Variants in RGS12 observed in about 807,000 individuals in gnomAD.
RGS12 encodes regulator of G protein signaling 12, also known as regulator of G-protein signaling 12.
A neutral mutation model predicts 120.1 loss-of-function variants in RGS12; 66 were observed. The observed-to-expected ratio is 0.55, with a 90% CI of 0.45 to 0.67. RGS12 has a LOEUF of 0.67. Among genes scored for constraint, RGS12 ranks in the 30% least tolerant of loss-of-function variants. RGS12 has a pLI of 0.00. For missense variants in RGS12, 1,859 were observed against 1,957.7 expected, an observed-to-expected ratio of 0.95 and a Z score of 0.95; for synonymous variants, 827 against 804.7, an observed-to-expected ratio of 1.03 and a Z score of -0.47.
At chr4:3,310,429 G>C (rs1193868983) in intron 1 of RGS12, among the ~76,000 whole-genome samples, 11 of 152,226 alleles carry the variant, frequency 7.2e-5, no homozygotes, top group Admixed American at 7.2e-4. Context: ...TTGACTGGTG[G>C]CTCAGTAAAA....
intron 4 of RGS12, among the ~76,000 whole-genome samples, chr4:3,402,415 T>G (rs1255250290): frequency 6.6e-6 from 1 of 152,198 alleles, no homozygotes; most frequent in Non-Finnish European, 1.5e-5. Context: ...CCTTCCTCCT[T>G]CCCTGAAGCC....
At chr4:3,434,497 C>T (rs1266168593) in intron 17 of RGS12, among the ~76,000 whole-genome samples, 1 of 152,142 alleles carries the variant, frequency 6.6e-6, no homozygotes, top group Non-Finnish European at 1.5e-5. Flanking sequence ...ACGTTTTGTG[C>T]ATATCTGTGT....
intron 3 of RGS12, among the ~76,000 whole-genome samples, chr4:3,343,767 C>T (rs1338850118): frequency 6.6e-6 from 1 of 151,894 alleles, no homozygotes; most frequent in East Asian, 1.9e-4. Flanking sequence ...CTGCACCCTC[C>T]CGTTGAACTC....
At position 3,374,244 on chromosome 4, in the gene RGS12, A is replaced by C. The variant is rs571565742; in HGVS notation, c.1999-12172A>C. On this transcript the variant is annotated intron_variant, in intron 3 of 17. Coordinates refer to ENST00000336727, the MANE Select transcript of RGS12 (RefSeq NM_001394154.1). The surrounding 1 kb of genome is among the most constrained non-coding windows in gnomAD (Gnocchi z 6.3). ...AGACAGCAGGAGCTGCCGAGCTCCG[A>C]GTGCTGGGCCAGCTTGCCTTGGGCT... is the stretch of plus-strand genomic sequence containing the variant. 3.9e-4 allele frequency among the ~76,000 whole-genome samples: 59 copies of C among 152,350 alleles called. No individual in the cohort carries two copies. The highest frequency in any genetic ancestry group is 1.4e-3 in the African/African-American group (57 of 41,592).
chr4:3,339,776 G>A (rs933551474), intron 2 of RGS12, among the ~76,000 whole-genome samples: 1 of 152,190 alleles, frequency 6.6e-6, no homozygotes, highest in Non-Finnish European at 1.5e-5. Flanking sequence ...TGTGTTTTGA[G>A]TGAGGCTGTG....
intron 1 of RGS12, among the ~76,000 whole-genome samples, chr4:3,311,150 C>T (rs1041152549): frequency 6.6e-6 from 1 of 152,170 alleles, no homozygotes; most frequent in African/African-American, 2.4e-5. Context: ...CTCTTCTTCT[C>T]GGTGCCCCCA....
At chr4:3,315,207 C>T (rs1724659894) in intron 1 of RGS12, among the ~76,000 whole-genome samples, 1 of 152,210 alleles carries the variant, frequency 6.6e-6, no homozygotes, top group African/African-American at 2.4e-5. Flanking sequence ...GACCTCTGCC[C>T]TTGCTGATTT....
intron 4 of RGS12, among the ~76,000 whole-genome samples, chr4:3,406,942 A>G (rs1277832976): frequency 6.6e-6 from 1 of 152,380 alleles, no homozygotes; most frequent in South Asian, 2.1e-4. Context: ...TTTCCTAACT[A>G]AATACATATT....
chr4:3,367,717 C>T (rs995825175), intron 3 of RGS12, among the ~76,000 whole-genome samples: 4 of 152,218 alleles, frequency 2.6e-5, no homozygotes, highest in Non-Finnish European at 4.4e-5. Context: ...CATCCCTTTC[C>T]TCACCCATCT....
At chr4:3,296,971 G>C (rs950115837) in intron 1 of RGS12, among the ~76,000 whole-genome samples, 4 of 152,208 alleles carry the variant, frequency 2.6e-5, no homozygotes, top group African/African-American at 9.6e-5. Context: ...GGTTTTGGGG[G>C]CCACCGTTGC....
rs919590983 is a variant in RGS12 at position 3,432,909 on chromosome 4, G to A, written c.4114+1954G>A. Among the ~76,000 whole-genome samples the A allele has an allele frequency of 3.3e-5, 5 of 152,336 alleles. No individual in the cohort carries two copies. In the East Asian group the frequency reaches 9.6e-4, roughly 29 times the overall value. ...CCACGTGCCTGTCCGTGGCGACACA[G>A]GACAACTGCTGAGGACCTGCCCAGT... is the stretch of plus-strand genomic sequence containing the variant. On this transcript the variant is annotated intron_variant, in intron 17 of 17. Transcript: ENST00000336727.
intron 4 of RGS12, among the ~76,000 whole-genome samples, chr4:3,395,475 T>C (rs950464168): frequency 6.6e-6 from 1 of 152,234 alleles, no homozygotes; most frequent in African/African-American, 2.4e-5. Flanking sequence ...ACATTTCTGC[T>C]CTGATAGGCT....
At chr4:3,309,740 A>G (rs1338293202) in intron 1 of RGS12, among the ~76,000 whole-genome samples, 7 of 114,800 alleles carry the variant, frequency 6.1e-5, no homozygotes, top group Non-Finnish European at 7.3e-5. Context: ...TCCTCTGAGG[A>G]GAGCTGAGCA....
At chr4:3,386,836 G>A (rs568455598) in intron 4 of RGS12, among the ~76,000 whole-genome samples, 1 of 152,326 alleles carries the variant, frequency 6.6e-6, no homozygotes, top group South Asian at 2.1e-4. Flanking sequence ...GGAAATTTGG[G>A]TGAGACCCAG....
At chr4:3,373,176 G>T (rs1354434101) in intron 3 of RGS12, among the ~76,000 whole-genome samples, 2 of 152,184 alleles carry the variant, frequency 1.3e-5, no homozygotes, top group Admixed American at 1.3e-4. Flanking sequence ...GTGGCTGCTG[G>T]CGACACGCAG....
chr4:3,416,144 T>TG, intron 7 of RGS12, 23 bp downstream of exon 7: 1 of 1,613,078 alleles, frequency 6.2e-7, no homozygotes, highest in South Asian at 1.1e-5. Flanking sequence ...TGTGGGAGCT[T>TG]GTGGGGAGTC....
chr4:3,358,379 A>G (rs1428877084), intron 3 of RGS12, among the ~76,000 whole-genome samples: 1 of 152,152 alleles, frequency 6.6e-6, no homozygotes, highest in Non-Finnish European at 1.5e-5. Flanking sequence ...GTTGAAAAGA[A>G]TTGTCGAAGT....
Position 3,409,463 on chromosome 4 carries a change from C to G in RGS12, c.2021-4609C>G, listed in dbSNP as rs78788641. ...TGATGTTAGTCAATACACCAGTCAT[C>G]TTTCACTCAGAATTTATATCAGTCA... is the stretch of plus-strand genomic sequence containing the variant. On this transcript the variant is annotated intron_variant, in intron 4 of 17. Coordinates refer to ENST00000336727, the MANE Select transcript of RGS12 (RefSeq NM_001394154.1). Among the ~76,000 whole-genome samples the G allele has an allele frequency of 9.5e-3, 1,449 of 152,388 alleles. 9 individuals carry two copies. The highest frequency in any genetic ancestry group is 0.023 in the South Asian group (112 of 4,834).
At chr4:3,303,455 T>A (rs1723794020) in intron 1 of RGS12, among the ~76,000 whole-genome samples, 1 of 152,238 alleles carries the variant, frequency 6.6e-6, no homozygotes. Flanking sequence ...AGCAGTGCTG[T>A]ATTTCAGCAT....
Sources: allele counts gnomAD v4.1 joint callset (sites outside exome capture counted in the v4.1 genomes callset), GRCh38; gene constraint gnomAD v4.1.1; non-coding constraint Gnocchi (gnomAD v3.1); transcripts MANE v1.5; gene names NCBI Gene and HGNC (gene_info 2026-07-23, HGNC 2026-07-21).